Variants in TRAK2 observed in about 807,000 individuals in gnomAD.
The protein encoded by TRAK2 is trafficking kinesin-binding protein 2.
Under a neutral mutation model 104.6 loss-of-function variants are expected in TRAK2, and 81 were observed. The ratio of observed to expected loss-of-function variants is 0.77; its 90% CI spans 0.65 to 0.93. The LOEUF (loss-of-function observed/expected upper bound fraction) is 0.93. Ranked by LOEUF, TRAK2 falls within the 40% of genes least tolerant of loss-of-function variation. The pLI, the probability that TRAK2 is intolerant of heterozygous loss-of-function variation, is 0.00. For missense variants in TRAK2, 1,002 were observed against 1,089.0 expected (o/e 0.92, Z 1.12); for synonymous variants, 406 against 394.4 (o/e 1.03, Z -0.35).
chr2:201,415,131 T>C (rs1951680861), intron 2 of TRAK2, among the ~76,000 whole-genome samples: 1 of 151,920 alleles, frequency 6.6e-6, no homozygotes, highest in Non-Finnish European at 1.5e-5. Flanking sequence ...TGCCTACCGG[T>C]AAGATAATTA....
At chr2:201,386,717 GA>G (rs1282440581) in intron 13 of TRAK2, among the ~76,000 whole-genome samples, 1 of 151,738 alleles carries the variant, frequency 6.6e-6, no homozygotes, top group Non-Finnish European at 1.5e-5. Flanking sequence ...CTAAAGGGGT[GA>G]AAAAAAACCC....
intron 9 of TRAK2, among the ~76,000 whole-genome samples, chr2:201,393,624 G>GA (rs1329667364): frequency 6.6e-6 from 1 of 152,144 alleles, no homozygotes; most frequent in East Asian, 1.9e-4. Flanking sequence ...CAGTTCATCA[G>GA]AATCACCAGG....
At chr2:201,430,473 CCACT>C (rs1006701129) in intron 1 of TRAK2, among the ~76,000 whole-genome samples, 3 of 152,234 alleles carry the variant, frequency 2.0e-5, no homozygotes, top group Admixed American at 2.0e-4. Flanking sequence ...GTGGTGGGCT[CCACT>C]CAGTTTGAGC....
At position 201,430,618 on chromosome 2, in the gene TRAK2, C is replaced by T. The variant is rs10168489; in HGVS notation, c.-199-9912G>A. On this transcript the variant is annotated intron_variant, in intron 1 of 15. Coordinates refer to ENST00000332624, the MANE Select transcript of TRAK2 (RefSeq NM_015049.3). ...TGACCAAGGCTCCGTGGGCATGGGA[C>T]CCTCTGAGCCAGGCATGGGATATAA... Among the ~76,000 whole-genome samples, 1,304 of 152,354 alleles carry T rather than the reference C, an allele frequency of 8.6e-3. 27 individuals are homozygous for T. The highest frequency in any genetic ancestry group is 0.03 in the African/African-American group (1,252 of 41,588).
chr2:201,397,709 C>A (rs1005900248), intron 6 of TRAK2, 129 bp from the exon 7 acceptor site: 15 of 666,638 alleles, frequency 2.3e-5, no homozygotes, highest in Non-Finnish European at 3.6e-5. Context: ...ACAACCTGTT[C>A]ATACATCTCT....
Position 201,410,763 on chromosome 2 carries a change from T to A in TRAK2, c.92-3166A>T, listed in dbSNP as rs1384847496. On this transcript the variant is annotated intron_variant, in intron 2 of 15. Transcript: ENST00000332624. ...TAAGCCACTGATTTGGTTTCTGTTG[T>A]GATAATTGGTTCATGCTAACTTTGG... The A allele has an allele frequency of 7.6e-6, 12 of 1,587,780 alleles. No homozygotes were observed. The Admixed American group carries it at 2.0e-4, about 27-fold the overall frequency.
chr2:201,440,222 T>C (rs1951909894), intron 1 of TRAK2, among the ~76,000 whole-genome samples: 1 of 152,172 alleles, frequency 6.6e-6, no homozygotes, highest in Non-Finnish European at 1.5e-5. Flanking sequence ...GCTATTTTTT[T>C]TTTAAGATTT....
At position 201,447,883 on chromosome 2, in the gene TRAK2, C is replaced by G. The variant is rs1301489114; in HGVS notation, c.-200+3467G>C. 2.0e-5 allele frequency among the ~76,000 whole-genome samples: 3 copies of G among 152,236 alleles called. No homozygotes were observed. Among genetic ancestry groups the G allele is most frequent in the Admixed American group, 6.5e-5 (1 of 15,280 alleles). On this transcript the variant is annotated intron_variant, in intron 1 of 15. Coordinates refer to ENST00000332624, the MANE Select transcript of TRAK2 (RefSeq NM_015049.3). The surrounding 1 kb of genome is among the most constrained non-coding windows in gnomAD (Gnocchi z 4.1). ...CCAGAGTAACTTCAGTGTTCTTTCT[C>G]TGTGCTCCCAAAGTACCTCGGCAAG...
intron 1 of TRAK2, among the ~76,000 whole-genome samples, chr2:201,429,619 C>T (rs1283032792): frequency 2.0e-5 from 3 of 152,190 alleles, no homozygotes; most frequent in Admixed American, 6.5e-5. Flanking sequence ...ATTTGATCTT[C>T]AATGAGTGAT....
intron 13 of TRAK2, 81 bp downstream of exon 13, chr2:201,387,622 T>G: frequency 2.2e-6 from 3 of 1,391,768 alleles, no homozygotes; most frequent in Non-Finnish European, 2.9e-6. Context: ...GTTCCTATAA[T>G]TAAGACACAA....
intron 2 of TRAK2, among the ~76,000 whole-genome samples, chr2:201,417,241 C>CAAAAAAAAAAAAAAAAAGA (rs1951700430): frequency 4.5e-5 from 4 of 88,430 alleles, no homozygotes; most frequent in Non-Finnish European, 4.3e-5. Context: ...GAAGACATTG[C>CAAAAAAAAAAAAAAAAAGA]AAAAAAAAAA....
Position 201,381,164 on chromosome 2 carries a change from C to T in TRAK2, c.2124G>A (p.Thr708=), listed in dbSNP as rs1176551366. The T allele has an allele frequency of 8.7e-6, 14 of 1,613,282 alleles. No individual in the cohort carries two copies. The highest frequency in any genetic ancestry group is 1.6e-4 in the Middle Eastern group (1 of 6,080). Residue 708 remains threonine, a synonymous_variant, in exon 16 of 16, where the codon ACG becomes ACA. Transcript: ENST00000332624. ...CGSSGSSSSN[T]AVNSPALSYR... is the part of the protein sequence containing the mutation. Reference sequence around the variant, plus strand: ...AGGACAAGGCAGGAGAATTCACAGCCGTGTTGGATGAACTGCTACCGCTAC... The same window carrying T: ...AGGACAAGGCAGGAGAATTCACAGCTGTGTTGGATGAACTGCTACCGCTAC...
rs762539708 is a variant in TRAK2 at position 201,381,009 on chromosome 2, G to A, written c.2279C>T (p.Ser760Leu). The A allele has an allele frequency of 6.2e-7, 1 of 1,614,142 alleles. No homozygotes were observed. The highest frequency in any genetic ancestry group is 8.5e-7 in the Non-Finnish European group (1 of 1,180,008). ...ISAKVYHSPI[S>L]ENPLQPLPKS... Reference sequence around the variant, plus strand: ...AGGGAGAGGCTGGAGGGGGTTCTCTGAAATTGGGCTGTGGTACACTTTGGC... The same window carrying A: ...AGGGAGAGGCTGGAGGGGGTTCTCTAAAATTGGGCTGTGGTACACTTTGGC... Residue 760 changes from serine to leucine, a missense_variant, in exon 16 of 16, where the codon TCA becomes TTA. Ser to Leu is a moderately radical substitution (Grantham distance 145). Transcript: ENST00000332624.
intron 2 of TRAK2, among the ~76,000 whole-genome samples, chr2:201,414,044 C>G (rs1951670996): frequency 6.6e-6 from 1 of 152,288 alleles, no homozygotes; most frequent in African/African-American, 2.4e-5. Context: ...TCATTTATCA[C>G]ACACAACAGT....
intron 2 of TRAK2, chr2:201,411,206 AG>A: frequency 1.4e-6 from 1 of 715,742 alleles, no homozygotes; most frequent in Non-Finnish European, 2.5e-6. Context: ...CAGCAGCAAT[AG>A]GTGTGTACAC....
At chr2:201,411,383 G>A (rs1951645769) in intron 2 of TRAK2, 3 of 748,028 alleles carry the variant, frequency 4.0e-6, no homozygotes, top group Non-Finnish European at 7.5e-6. Flanking sequence ...CTCCAATGTG[G>A]CTAAAAACCT....
Position 201,401,103 on chromosome 2 carries a change from G to T in TRAK2, c.287-9C>A. 1 of 1,579,576 alleles carries T rather than the reference G, an allele frequency of 6.3e-7. No individual in the cohort carries two copies. The highest frequency in any genetic ancestry group is 8.6e-7 in the Non-Finnish European group (1 of 1,158,148). On this transcript the variant is annotated splice_polypyrimidine_tract_variant and intron_variant, in intron 3 of 15. Coordinates refer to ENST00000332624, the MANE Select transcript of TRAK2 (RefSeq NM_015049.3). ...CCTGTCTGTGCCTAGAACTAATATA[G>T]TTAAAAACAACTATTTATAGGCTTT...
intron 14 of TRAK2, among the ~76,000 whole-genome samples, chr2:201,385,923 G>C (rs957997986): frequency 2.0e-5 from 3 of 152,194 alleles, no homozygotes; most frequent in Admixed American, 6.5e-5. Flanking sequence ...AACCTGCACA[G>C]ATAGGCTCTC....
Position 201,439,105 on chromosome 2 carries a change from T to A in TRAK2, c.-200+12245A>T, listed in dbSNP as rs553977725. The stretch of plus-strand genomic sequence containing the variant: ...AAATGACAGGCATTCAATAAATATC[T>A]GTTAAATGAATGAATCAGGCTGTAG... On this transcript the variant is annotated intron_variant, in intron 1 of 15. Transcript: ENST00000332624. Among the ~76,000 whole-genome samples the A allele has an allele frequency of 3.7e-3, 558 of 152,326 alleles. 2 individuals are homozygous for A. The highest frequency in any genetic ancestry group is 6.7e-3 in the Non-Finnish European group (458 of 68,028).
Sources: gnomAD v4.1 joint callset for allele counts (sites outside exome capture counted in the v4.1 genomes callset) on GRCh38, gnomAD v4.1.1 for gene constraint, Gnocchi (gnomAD v3.1) non-coding constraint, MANE v1.5 for transcripts, NCBI Gene and HGNC (gene_info 2026-07-23, HGNC 2026-07-21) for gene names.